Variants in RYR2 observed in about 807,000 individuals in gnomAD.
The protein encoded by RYR2 is cardiac muscle ryanodine receptor-calcium release channel.
A neutral mutation model predicts 601.1 loss-of-function variants in RYR2; 227 were observed. That is an observed-to-expected ratio of 0.38 (90% CI 0.34 to 0.42). The LOEUF is 0.42. Ranked by LOEUF, RYR2 falls within the 10% of genes least tolerant of loss-of-function variation. The pLI, the probability that RYR2 is intolerant of heterozygous loss-of-function variation, is 1.00. For synonymous variants in RYR2, 2,223 were observed against 2,175.1 expected (o/e 1.02, Z -0.61); for missense variants, 4,646 against 6,156.5 (o/e 0.75, Z 8.21).
intron 17 of RYR2, among the ~76,000 whole-genome samples, chr1:237,482,942 C>T (rs1034674704): frequency 2.0e-5 from 3 of 152,236 alleles, no homozygotes; most frequent in African/African-American, 7.2e-5. Context: ...TTGCATTTCT[C>T]TGATGATCCT....
chr1:237,255,272 T>G (rs562063076), intron 1 of RYR2, among the ~76,000 whole-genome samples: 1 of 152,322 alleles, frequency 6.6e-6, no homozygotes, highest in South Asian at 2.1e-4. Flanking sequence ...GACACTGAAT[T>G]TGAATGTCTG....
At chr1:237,657,895 C>T in intron 53 of RYR2, 49 bp from the exon 54 acceptor site, 1 of 1,005,372 alleles carries the variant, frequency 9.9e-7, no homozygotes, top group Non-Finnish European at 1.5e-6. Context: ...ATATGATTTC[C>T]TGTAAATTCT....
chr1:237,383,312 C>T (rs1342035455), intron 8 of RYR2, among the ~76,000 whole-genome samples: 2 of 151,448 alleles, frequency 1.3e-5, no homozygotes, highest in East Asian at 1.9e-4. Flanking sequence ...GCACTTCTAT[C>T]GTGTAATGTC....
intron 47 of RYR2, among the ~76,000 whole-genome samples, chr1:237,641,987 A>C (rs1034235603): frequency 6.6e-5 from 10 of 152,124 alleles, no homozygotes; most frequent in African/African-American, 1.7e-4. Flanking sequence ...CATTTAAAAA[A>C]AAATCCTGGC....
chr1:237,415,541 A>G (rs1704889488), intron 10 of RYR2, among the ~76,000 whole-genome samples: 2 of 152,186 alleles, frequency 1.3e-5, no homozygotes, highest in African/African-American at 4.8e-5. Context: ...ACAAGCTTCT[A>G]GATTTCTAGA....
At chr1:237,374,021 G>T (rs181874498) in intron 6 of RYR2, among the ~76,000 whole-genome samples, 199 of 152,274 alleles carry the variant, frequency 1.3e-3, no homozygotes, top group Non-Finnish European at 2.3e-3. Flanking sequence ...TACTGACAGA[G>T]AACATTTCCT....
At chr1:237,783,494 T>C (rs1243496412) in intron 89 of RYR2, among the ~76,000 whole-genome samples, 181 bp from the exon 90 acceptor site, 2 of 152,212 alleles carry the variant, frequency 1.3e-5, no homozygotes, top group East Asian at 1.9e-4. Flanking sequence ...AATAGGGTTA[T>C]GCATGTTTGT....
chr1:237,600,437 T>A (rs1235467706), intron 34 of RYR2, among the ~76,000 whole-genome samples: 1 of 152,166 alleles, frequency 6.6e-6, no homozygotes, highest in Non-Finnish European at 1.5e-5. Context: ...TTTCACCATA[T>A]ACAAAAATCA....
At chr1:237,775,150 TAAC>T (rs1694566873) in intron 87 of RYR2, among the ~76,000 whole-genome samples, 4 of 149,514 alleles carry the variant, frequency 2.7e-5, no homozygotes, top group Admixed American at 6.7e-5. Context: ...CATTTTAAAA[TAAC>T]AATCGTATCT....
At chr1:237,695,487 T>C (rs1176402581) in intron 63 of RYR2, among the ~76,000 whole-genome samples, 1 of 152,140 alleles carries the variant, frequency 6.6e-6, no homozygotes, top group Non-Finnish European at 1.5e-5. Context: ...TTTTGGTTTT[T>C]TCACCACCCA....
chr1:237,520,121 C>CT (rs1293233751), intron 24 of RYR2, among the ~76,000 whole-genome samples: 1 of 152,140 alleles, frequency 6.6e-6, no homozygotes. Flanking sequence ...TGTTACTGGT[C>CT]TATAGATATG....
rs757471928 is a variant in RYR2, at chr1:237,590,764, C to T, written c.3932C>T (p.Ala1311Val). 6.2e-6 allele frequency: 10 copies of T among 1,613,774 alleles called. No individual in the cohort carries two copies. The highest frequency in any genetic ancestry group is 2.7e-5 in the African/African-American group (2 of 74,900). Residue 1311 changes from alanine (A) to valine (V), a missense_variant, in exon 31 of 105, where the codon GCG (alanine) becomes GTG (valine). Physicochemically the swap from Ala to Val is moderately conservative, Grantham distance 64. This residue lies in a region of RYR2 where 1,807 missense variants were observed against 2,088.1 expected (regional missense o/e 0.87). Coordinates refer to ENST00000366574, the MANE Select transcript of RYR2 (RefSeq NM_001035.3). ...FYRLSMPIEC[A>V]EVFSKTVAGG... ...CGCCTGAGCATGCCGATCGAGTGCGCGGAGGTCTTCTCCAAGACGGTGGCT... is the reference window on the plus strand; with the variant it reads ...CGCCTGAGCATGCCGATCGAGTGCGTGGAGGTCTTCTCCAAGACGGTGGCT...
intron 3 of RYR2, among the ~76,000 whole-genome samples, chr1:237,347,196 A>G (rs1241141774): frequency 6.6e-6 from 1 of 152,094 alleles, no homozygotes; most frequent in East Asian, 1.9e-4. Flanking sequence ...GGTGGTGCGC[A>G]CCTGTAGTCC....
At chr1:237,294,618 A>G (rs537309044) in intron 2 of RYR2, among the ~76,000 whole-genome samples, 2 of 152,340 alleles carry the variant, frequency 1.3e-5, no homozygotes, top group East Asian at 3.9e-4. Context: ...TTAATCAGAT[A>G]CATTTTAAAA....
chr1:237,610,450 G>T lies in RYR2; in HGVS notation c.4684-312G>T, dbSNP rs1677713455. On this transcript the variant is annotated intron_variant, in intron 35 of 104. Coordinates refer to ENST00000366574, the MANE Select transcript of RYR2 (RefSeq NM_001035.3). The surrounding 1 kb of genome is among the most constrained non-coding windows in gnomAD (Gnocchi z 4.9). ...CCAGCTTTCCCGGAGGTCCCAGCCT[G>T]GTAAAGAAATATAAAGGATATATGG... Among the ~76,000 whole-genome samples the T allele has an allele frequency of 6.6e-6, 1 of 152,082 alleles. No homozygotes were observed. The highest frequency in any genetic ancestry group is 2.4e-5 in the African/African-American group (1 of 41,388).
At position 237,638,512 on chromosome 1, in the gene RYR2, G is replaced by C; in HGVS notation, c.6928+20G>C. 9 of 1,612,276 alleles carry C rather than the reference G, an allele frequency of 5.6e-6. No individual in the cohort carries two copies. The highest frequency in any genetic ancestry group is 7.6e-6 in the Non-Finnish European group (9 of 1,178,766). On this transcript the variant is annotated intron_variant, in intron 45 of 104. Coordinates refer to ENST00000366574, the MANE Select transcript of RYR2 (RefSeq NM_001035.3). ...GTAATGGTAGGACTTGATTTCTTGA[G>C]GTCTTTTGAGTTATCATTAAAACTG... is the stretch of plus-strand genomic sequence containing the variant.
chr1:237,170,506 G>A (rs1489276903), intron 1 of RYR2, among the ~76,000 whole-genome samples: 2 of 152,194 alleles, frequency 1.3e-5, no homozygotes, highest in South Asian at 2.1e-4. Flanking sequence ...CAGAAGACTG[G>A]CTAATTATAA....
intron 2 of RYR2, among the ~76,000 whole-genome samples, chr1:237,311,534 C>T (rs1045046672): frequency 2.0e-5 from 3 of 150,844 alleles, no homozygotes; most frequent in Non-Finnish European, 4.4e-5. Flanking sequence ...GGCTGGTGTG[C>T]AGTGGCAAGA....
chr1:237,331,090 A>G (rs967378646), intron 3 of RYR2, 108 bp downstream of exon 3: 20 of 904,490 alleles, frequency 2.2e-5, no homozygotes, highest in Non-Finnish European at 3.3e-5. Flanking sequence ...AAATAAGTCC[A>G]TGCCTTTCAG....
Sources: gnomAD v4.1 joint callset for allele counts (sites outside exome capture counted in the v4.1 genomes callset) on GRCh38, gnomAD v4.1.1 for gene constraint, gnomAD v4.1.1 regional missense constraint, Gnocchi (gnomAD v3.1) non-coding constraint, MANE v1.5 for transcripts, NCBI Gene and HGNC (gene_info 2026-07-23, HGNC 2026-07-21) for gene names.